Variants in SLC44A5 observed in about 807,000 individuals in gnomAD.
SLC44A5 encodes solute carrier family 44 member 5, also known as choline transporter-like protein 5.
Under a neutral mutation model 101.8 loss-of-function variants are expected in SLC44A5, and 57 were observed. The ratio of observed to expected loss-of-function variants is 0.56; its 90% CI spans 0.45 to 0.70. The LOEUF (loss-of-function observed/expected upper bound fraction) is 0.70, where lower values mean the gene tolerates loss of function less well. Ranked by LOEUF, SLC44A5 falls within the 30% of genes least tolerant of loss-of-function variation. The pLI, the probability that SLC44A5 is intolerant of heterozygous loss-of-function variation, is 0.00. For missense variants in SLC44A5, 737 were observed against 853.1 expected (o/e 0.86, Z 1.70); for synonymous variants, 281 against 290.9 (o/e 0.97, Z 0.35).
At chr1:75,596,413 A>G (rs576327118) in intron 1 of SLC44A5, among the ~76,000 whole-genome samples, 2 of 152,250 alleles carry the variant, frequency 1.3e-5, no homozygotes, top group Non-Finnish European at 2.9e-5. Flanking sequence ...TATTCCACAA[A>G]ATTGAGGGAG....
At chr1:75,491,620 A>C (rs1391861600) in intron 2 of SLC44A5, among the ~76,000 whole-genome samples, 1 of 152,114 alleles carries the variant, frequency 6.6e-6, no homozygotes, top group Admixed American at 6.6e-5. Context: ...ATGATGCTTT[A>C]TTTTTCCCAA....
At chr1:75,302,124 T>TTTTTTG (rs1654529138) in intron 4 of SLC44A5, among the ~76,000 whole-genome samples, 1 of 140,196 alleles carries the variant, frequency 7.1e-6, no homozygotes, top group African/African-American at 2.7e-5. Flanking sequence ...TTTTTTTTTT[T>TTTTTTG]TTTTTTTTTT....
At chr1:75,697,705 G>A in the SLC44A5 span, among the ~76,000 whole-genome samples, 1 of 152,220 alleles carries the variant, frequency 6.6e-6, no homozygotes, top group Non-Finnish European at 1.5e-5. Context: ...GAGTGACGCA[G>A]AAGACGGGCG....
At chr1:75,685,204 A>T in the SLC44A5 span, among the ~76,000 whole-genome samples, 1 of 152,232 alleles carries the variant, frequency 6.6e-6, no homozygotes, top group Non-Finnish European at 1.5e-5. Context: ...CACTGGGCCT[A>T]GCCCACAAAA....
rs561351141 is a variant in SLC44A5 at position 75,504,542 on chromosome 1, T to C, written c.13+36893A>G. 2.6e-5 allele frequency among the ~76,000 whole-genome samples: 4 copies of C among 152,300 alleles called. No individual in the cohort carries two copies. The South Asian group carries it at 8.3e-4, about 32-fold the overall frequency. On this transcript the variant is annotated intron_variant, in intron 2 of 23. Coordinates refer to ENST00000370859, the MANE Select transcript of SLC44A5 (RefSeq NM_001130058.2). ...AATCACTATGCTAACCCCATATTTA[T>C]GAAATTTTCAGTTTTACAGATAAAA...
At chr1:75,672,531 G>A in the SLC44A5 span, among the ~76,000 whole-genome samples, 1 of 152,254 alleles carries the variant, frequency 6.6e-6, no homozygotes, top group South Asian at 2.1e-4. Context: ...AGGCCACAAG[G>A]ACAGCAATTC....
intron 3 of SLC44A5, among the ~76,000 whole-genome samples, chr1:75,385,490 C>T (rs1013486500): frequency 6.6e-6 from 1 of 152,126 alleles, no homozygotes; most frequent in Non-Finnish European, 1.5e-5. Flanking sequence ...CACATACACT[C>T]TCCCAAGACT....
intron 2 of SLC44A5, among the ~76,000 whole-genome samples, chr1:75,452,066 T>C (rs527473704): frequency 2.6e-5 from 4 of 152,076 alleles, no homozygotes; most frequent in African/African-American, 9.7e-5. Context: ...TAAGATACTA[T>C]ACAAAACAAA....
intron 21 of SLC44A5, 49 bp from the exon 22 acceptor site, chr1:75,213,842 T>TA (rs752206772): frequency 6.5e-7 from 1 of 1,536,038 alleles, no homozygotes; most frequent in South Asian, 1.2e-5. Flanking sequence ...CAAAAGAATA[T>TA]AGTTTTTTGT....
intron 2 of SLC44A5, chr1:75,398,399 A>C: frequency 1.0e-6 from 1 of 985,388 alleles, no homozygotes; most frequent in East Asian, 1.1e-4. Flanking sequence ...GTATAGCAGG[A>C]AGCATGTCAG....
chr1:75,518,633 T>A (rs1669961144), intron 2 of SLC44A5, among the ~76,000 whole-genome samples: 1 of 152,180 alleles, frequency 6.6e-6, no homozygotes, highest in Non-Finnish European at 1.5e-5. Context: ...TTCTTTGGAG[T>A]AATGTCATTA....
At chr1:75,494,630 G>T (rs566644749) in intron 2 of SLC44A5, among the ~76,000 whole-genome samples, 10 of 152,090 alleles carry the variant, frequency 6.6e-5, no homozygotes, top group Non-Finnish European at 1.0e-4. Context: ...TTTTCTGGTC[G>T]TTACCTGAGA....
chr1:75,572,196 T>C (rs753949229), intron 1 of SLC44A5, among the ~76,000 whole-genome samples: 9 of 152,160 alleles, frequency 5.9e-5, no homozygotes, highest in Non-Finnish European at 1.2e-4. Flanking sequence ...GTGATGTCCA[T>C]GGAACAGTGA....
At chr1:75,206,315 G>C (rs1646748243) in intron 23 of SLC44A5, 1 of 258,012 alleles carries the variant, frequency 3.9e-6, no homozygotes. Flanking sequence ...GGCTATTAAA[G>C]TGCTGCAATG....
chr1:75,328,841 G>A (rs370169253), intron 4 of SLC44A5, among the ~76,000 whole-genome samples: 31 of 152,220 alleles, frequency 2.0e-4, no homozygotes, highest in South Asian at 1.2e-3. Context: ...CTATGCTCAC[G>A]TGCTGTGATC....
At chr1:75,684,010 G>T in the SLC44A5 span, among the ~76,000 whole-genome samples, 2 of 152,136 alleles carry the variant, frequency 1.3e-5, no homozygotes, top group African/African-American at 4.8e-5. Context: ...AAGGAAAGAG[G>T]TTTAATAGAC....
intron 2 of SLC44A5, among the ~76,000 whole-genome samples, chr1:75,540,550 T>C (rs1233149180): frequency 1.3e-5 from 2 of 152,192 alleles, no homozygotes; most frequent in East Asian, 1.9e-4. Flanking sequence ...ATATTCTGGG[T>C]TCCTCTTTTA....
intron 4 of SLC44A5, among the ~76,000 whole-genome samples, chr1:75,339,307 AT>A (rs547851418): frequency 2.7e-5 from 4 of 150,080 alleles, no homozygotes; most frequent in Non-Finnish European, 4.4e-5. Context: ...CTCATAAAGC[AT>A]TTTTTTTCAC....
At chr1:75,659,498 C>A in the SLC44A5 span, among the ~76,000 whole-genome samples, 1,866 of 31,714 alleles carry the variant, frequency 0.059, 66 homozygotes, top group East Asian at 0.17. Context: ...GGAAGGCAGG[C>A]AGGCAGGCAG....
Sources: gnomAD v4.1 joint callset for allele counts (sites outside exome capture counted in the v4.1 genomes callset) on GRCh38, gnomAD v4.1.1 for gene constraint, MANE v1.5 for transcripts, NCBI Gene and HGNC (gene_info 2026-07-23, HGNC 2026-07-21) for gene names.